Variants in FGD2 observed in about 807,000 individuals in gnomAD.
The protein encoded by FGD2 is FYVE, RhoGEF and PH domain containing 2.
Under a neutral mutation model 75.9 loss-of-function variants are expected in FGD2, and 52 were observed. That is an observed-to-expected ratio of 0.69 (90% CI 0.55 to 0.86). The LOEUF is 0.86. Among genes scored for constraint, FGD2 ranks in the 40% least tolerant of loss-of-function variants. FGD2 has a pLI of 0.00. For missense variants in FGD2, 790 were observed against 872.0 expected, an observed-to-expected ratio of 0.91 and a Z score of 1.18; for synonymous variants, 347 against 348.6, an observed-to-expected ratio of 1.00 and a Z score of 0.05.
At chr6:37,009,156 G>C in intron 2 of FGD2, 91 bp downstream of exon 2, 1 of 1,285,060 alleles carries the variant, frequency 7.8e-7, no homozygotes, top group Non-Finnish European at 1.1e-6. Context: ...GCCAGAGCCA[G>C]CAGTTCCCCA....
chr6:37,028,051 A>G lies in FGD2; in HGVS notation c.1856A>G (p.Tyr619Cys), dbSNP rs778507562. 14 of 1,613,874 alleles carry G rather than the reference A, an allele frequency of 8.7e-6. No homozygotes were observed. In the Admixed American group the frequency reaches 1.7e-4, roughly 19 times the overall value. ...VFQLQQSGQLYTFKAETEELK... is the reference protein window; with the variant it reads ...VFQLQQSGQLCTFKAETEELK... Reference sequence around the variant, plus strand: ...CAGCTACAGCAGTCAGGCCAGCTCTACACCTTCAAGGCCGAGACGGAGGAG... The same window carrying G: ...CAGCTACAGCAGTCAGGCCAGCTCTGCACCTTCAAGGCCGAGACGGAGGAG... Residue 619 changes from tyrosine to cysteine, a missense_variant, in exon 16 of 16, where the codon TAC (tyrosine) becomes TGC (cysteine). Physicochemically the swap from Tyr to Cys is radical, Grantham distance 194 (BLOSUM62 -2). Coordinates refer to ENST00000274963, the MANE Select transcript of FGD2 (RefSeq NM_173558.4).
chr6:37,013,505 G>A lies in FGD2; in HGVS notation c.528-104G>A. On this transcript the variant is annotated intron_variant, in intron 4 of 15. Transcript: ENST00000274963. The stretch of plus-strand genomic sequence containing the variant: ...CCCGCCCACACCCAGAATTGCCGTG[G>A]AAAGTTTGCTTTGGGGGATTCAGGG... 5 of 1,513,232 alleles carry A rather than the reference G, an allele frequency of 3.3e-6. No individual in the cohort carries two copies. In the South Asian group the frequency reaches 6.7e-5, roughly 20 times the overall value. 93.7% of individuals were successfully genotyped at this position (1,513,232 alleles called of 1,614,324 possible).
rs551276346 is a variant in FGD2, at chr6:37,010,604, T to C, written c.301-369T>C. Among the ~76,000 whole-genome samples the C allele has an allele frequency of 5.3e-5, 8 of 152,320 alleles. No individual in the cohort carries two copies. In the South Asian group the frequency reaches 1.7e-3, roughly 32 times the overall value. ...GGACAGCCGGAAGACTGGGCTCAGC[T>C]GGGATGCTGGCAGGGCTGGGCTCTT... On this transcript the variant is annotated intron_variant, in intron 2 of 15. Transcript: ENST00000274963.
intron 9 of FGD2, among the ~76,000 whole-genome samples, chr6:37,017,719 G>A (rs1765368702): frequency 6.6e-6 from 1 of 152,176 alleles, no homozygotes; most frequent in African/African-American, 2.4e-5. Flanking sequence ...TTCAGCCCCA[G>A]AAGGGAGCTG....
intron 7 of FGD2, 33 bp from the exon 8 acceptor site, chr6:37,014,859 A>C (rs1038798100): frequency 3.1e-6 from 5 of 1,611,438 alleles, no homozygotes; most frequent in Non-Finnish European, 4.2e-6. Context: ...AGCCCTGCCC[A>C]GACTTGGCTG....
intron 4 of FGD2, chr6:37,012,926 T>C (rs1765082837): frequency 7.0e-6 from 1 of 142,466 alleles, no homozygotes; most frequent in African/African-American, 2.7e-5. Flanking sequence ...TGCTCTGCTC[T>C]AGCAGGCCCT....
At position 37,014,896 on chromosome 6, in the gene FGD2, G is replaced by A. The variant is rs201398945; in HGVS notation, c.887G>A (p.Arg296Gln). Reference sequence around the variant, plus strand: ...GGATGCACCCCAACCCCCTAGGAGCGGCTGCAGGACCTGTGGGAGGTGTAC... The same window carrying A: ...GGATGCACCCCAACCCCCTAGGAGCAGCTGCAGGACCTGTGGGAGGTGTAC... ...HSNAAITEME[R>Q]LQDLWEVYQR... The change falls in exon 8 of 16, where the codon CGG becomes CAG. Residue 296 changes from arginine to glutamine, a missense_variant. Physicochemically the swap from Arg to Gln is conservative, Grantham distance 43. Coordinates refer to ENST00000274963, the MANE Select transcript of FGD2 (RefSeq NM_173558.4). 110 of 1,613,712 alleles carry A rather than the reference G, an allele frequency of 6.8e-5. No homozygotes were observed. In the Admixed American group the frequency reaches 8.7e-4, roughly 13 times the overall value.
At chr6:37,014,578 A>G in intron 6 of FGD2, 68 bp from the exon 7 acceptor site, 1 of 1,586,688 alleles carries the variant, frequency 6.3e-7, no homozygotes. Flanking sequence ...GTTGAACTTC[A>G]AGGACCTCCT....
intron 13 of FGD2, chr6:37,022,667 C>T (rs1405931623): frequency 3.7e-5 from 12 of 320,008 alleles, no homozygotes; most frequent in Non-Finnish European, 6.9e-5. Flanking sequence ...CCTCGGCCTC[C>T]ACCTGCCCCA....
chr6:37,027,456 A>T lies in FGD2; in HGVS notation c.1633A>T (p.Ser545Cys). 1 of 1,613,306 alleles carries T rather than the reference A, an allele frequency of 6.2e-7. No homozygotes were observed. Among genetic ancestry groups the T allele is most frequent in the Non-Finnish European group, 8.5e-7 (1 of 1,179,398 alleles). The change falls in exon 15 of 16, where the codon AGC becomes TGC. Residue 545 changes from serine to cysteine, a missense_variant. Transcript: ENST00000274963. ...EKGSSATPDQ[S>C]LMCSFLQLIG... ...AGGGTCCTCAGCCACGCCTGACCAG[A>T]GCCTGATGTGCAGCTTCCTGCAGCT...
In FGD2 at chr6:37,027,943, C is replaced by T; in HGVS notation, c.1753-5C>T. ...CAGTGGCCCACTGCTCTCTCCTCCCCCCAGGACATGAGGGCTCACACCTCC... is the reference window on the plus strand; with the variant it reads ...CAGTGGCCCACTGCTCTCTCCTCCCTCCAGGACATGAGGGCTCACACCTCC... On this transcript the variant is annotated splice_region_variant and splice_polypyrimidine_tract_variant and intron_variant, in intron 15 of 15. Transcript: ENST00000274963. 5.0e-6 allele frequency: 8 copies of T among 1,613,780 alleles called. No homozygotes were observed. The highest frequency in any genetic ancestry group is 6.8e-6 in the Non-Finnish European group (8 of 1,179,886).
At chr6:37,011,579 T>C (rs1414858154) in intron 3 of FGD2, 127 bp from the exon 4 acceptor site, 2 of 1,290,720 alleles carry the variant, frequency 1.5e-6, no homozygotes, top group African/African-American at 3.0e-5. Context: ...CCGGGGTTGC[T>C]GTGAGGATGC....
In FGD2 at chr6:37,020,749, C is replaced by A. The variant is rs370264308; in HGVS notation, c.1233+10C>A. The A allele has an allele frequency of 7.0e-6, 11 of 1,563,036 alleles. No individual in the cohort carries two copies. Among genetic ancestry groups the A allele is most frequent in the Non-Finnish European group, 8.7e-6 (10 of 1,152,314 alleles). ...GATTTCCTGGATGCAGGTATGGGAA[C>A]GCTCCGAGGCTTCTGGGAGTCTTTT... is the stretch of plus-strand genomic sequence containing the variant. On this transcript the variant is annotated intron_variant, in intron 11 of 15. Transcript: ENST00000274963.
At position 37,025,821 on chromosome 6, in the gene FGD2, G is replaced by A; in HGVS notation, c.1488G>A (p.Arg496=). 1.2e-6 allele frequency: 2 copies of A among 1,614,168 alleles called. No individual in the cohort carries two copies. Among genetic ancestry groups the A allele is most frequent in the Non-Finnish European group, 1.7e-6 (2 of 1,180,018 alleles). The change falls in exon 14 of 16, where the codon CGG becomes CGA. Residue 496 remains arginine (R), a synonymous_variant. Transcript: ENST00000274963. ...YVVCARCSDY[R]AELKYDDNRP... The stretch of plus-strand genomic sequence containing the variant: ...TGTGTGCCAGGTGCTCCGACTACCG[G>A]GCCGAACTGAAATACGACGACAACA...
chr6:37,025,404 T>G (rs1765769320), intron 13 of FGD2: 1 of 213,266 alleles, frequency 4.7e-6, no homozygotes, highest in Non-Finnish European at 9.6e-6. Context: ...TTTGGGAGAG[T>G]CAGGTGAGAT....
chr6:37,021,151 C>T (rs776774234), intron 11 of FGD2, among the ~76,000 whole-genome samples: 5 of 147,792 alleles, frequency 3.4e-5, no homozygotes, highest in East Asian at 2.0e-4. Flanking sequence ...TTTGTGTGTG[C>T]GTGCGTGTGT....
chr6:37,027,391 C>A, intron 14 of FGD2, 38 bp from the exon 15 acceptor site: 1 of 1,573,562 alleles, frequency 6.4e-7, no homozygotes, highest in East Asian at 2.3e-5. Context: ...GCACTTGCGG[C>A]TGCTCTGCTC....
intron 11 of FGD2, 54 bp from the exon 12 acceptor site, chr6:37,021,458 C>A (rs772299735): frequency 6.1e-6 from 9 of 1,479,202 alleles, no homozygotes; most frequent in Non-Finnish European, 8.4e-6. Flanking sequence ...GACAGAGGAG[C>A]AATCCCTCCC....
In FGD2 at chr6:37,012,693, CAGAG is replaced by C. The variant is rs1298880062; in HGVS notation, c.527+845_527+848del. ...TGCCACTGCACTCCAGCCTGGGTGA[CAGAG>C]AGAGACCCTGACTTAAAAAAAAAAA... On this transcript the variant is annotated intron_variant, in intron 4 of 15. Coordinates refer to ENST00000274963, the MANE Select transcript of FGD2 (RefSeq NM_173558.4). Among the ~76,000 whole-genome samples the C allele has an allele frequency of 3.1e-5, 4 of 130,606 alleles. No individual in the cohort carries two copies. The East Asian group carries it at 9.1e-4, about 30-fold the overall frequency. 85.7% of individuals were successfully genotyped at this position (130,606 alleles called of 152,430 possible). A position where few individuals can be genotyped will look rare whatever the true frequency, so the allele number is the denominator to read the frequency against.
Sources: gnomAD v4.1 joint callset for allele counts (sites outside exome capture counted in the v4.1 genomes callset) on GRCh38, gnomAD v4.1.1 for gene constraint, MANE v1.5 for transcripts, NCBI Gene and HGNC (gene_info 2026-07-23, HGNC 2026-07-21) for gene names.